The following ASH1L variants were observed in gnomAD, a reference collection of about 807,000 sequenced individuals.
ASH1L encodes histone-lysine N-methyltransferase ASH1L.
ASH1L carries 23 observed loss-of-function variants against 269.0 expected under a neutral mutation model. That is an observed-to-expected ratio of 0.09 (90% CI 0.06 to 0.12). The LOEUF (loss-of-function observed/expected upper bound fraction) is 0.12. Among genes scored for constraint, ASH1L ranks in the 10% least tolerant of loss-of-function variants. The pLI is 1.00. For synonymous variants in ASH1L, 1,187 were observed against 1,253.5 expected (o/e 0.95, Z 1.12); for missense variants, 2,912 against 3,567.8 (o/e 0.82, Z 4.68).
At chr1:155,424,978 G>T (rs916929021) in intron 5 of ASH1L, among the ~76,000 whole-genome samples, 6 of 145,900 alleles carry the variant, frequency 4.1e-5, no homozygotes, top group Admixed American at 1.4e-4. Flanking sequence ...TAGTTTTTGT[G>T]TTTTTTTTTT....
At chr1:155,424,413 T>G (rs1432929755) in intron 5 of ASH1L, among the ~76,000 whole-genome samples, 1 of 150,424 alleles carries the variant, frequency 6.6e-6, no homozygotes. Flanking sequence ...GTATTACAGT[T>G]TTTTTTTTTT....
rs989842954 is a variant in ASH1L at position 155,431,899 on chromosome 1, G to C, written c.5828+6428C>G. On this transcript the variant is annotated intron_variant, in intron 5 of 27. Coordinates refer to ENST00000392403, the MANE Select transcript of ASH1L (RefSeq NM_018489.3). Reference sequence around the variant, plus strand: ...CAAACTGCTGGGATTACAGGTGTGAGCCACCACACCTGGCCTGATTTTATT... The same window carrying C: ...CAAACTGCTGGGATTACAGGTGTGACCCACCACACCTGGCCTGATTTTATT... Among the ~76,000 whole-genome samples, 3 of 152,144 alleles carry C rather than the reference G, an allele frequency of 2.0e-5. No individual in the cohort carries two copies. The South Asian group carries it at 6.2e-4, about 31-fold the overall frequency.
At chr1:155,369,436 G>C (rs1329719630) in intron 12 of ASH1L, among the ~76,000 whole-genome samples, 1 of 149,356 alleles carries the variant, frequency 6.7e-6, no homozygotes, top group African/African-American at 2.5e-5. Context: ...AACAGAGCGA[G>C]ACTCCGTCTC....
At chr1:155,552,447 C>A (rs919896385) in intron 1 of ASH1L, among the ~76,000 whole-genome samples, 1 of 152,024 alleles carries the variant, frequency 6.6e-6, no homozygotes, top group African/African-American at 2.4e-5. Flanking sequence ...GCCTAGCCGA[C>A]AAGAGTGAGA....
At chr1:155,497,748 A>ATTT (rs200209564) in intron 2 of ASH1L, among the ~76,000 whole-genome samples, 1 of 150,176 alleles carries the variant, frequency 6.7e-6, no homozygotes, top group African/African-American at 2.5e-5. Flanking sequence ...AAAGAAGAAA[A>ATTT]TTCTTTTTTT....
intron 2 of ASH1L, chr1:155,520,359 CAAAA>C (rs57127431): frequency 1.3e-3 from 32 of 24,224 alleles, no homozygotes; most frequent in Non-Finnish European, 2.5e-3. Context: ...GACTCCATCT[CAAAA>C]AAAAAAAAAA....
chr1:155,481,545 G>C lies in ASH1L; in HGVS notation c.1325C>G (p.Thr442Arg), dbSNP rs759821978. Residue 442 changes from threonine (T) to arginine (R), a missense_variant, in exon 3 of 28, where the codon ACA becomes AGA. Thr to Arg is a moderately conservative substitution (Grantham distance 71). Around this residue, in one of 13 missense-constraint regions of ASH1L, gnomAD observed 715 missense variants for 721.0 expected, o/e 0.99. Transcript: ENST00000392403. The part of the protein sequence containing the change: ...TQEPLKASCS[T>R]NINNQESQEL... ...CTGACTTTCCTGATTATTGATGTTT[G>C]TACTACAAGAAGCCTTAAGCGGTTC... The C allele has an allele frequency of 6.2e-7, 1 of 1,614,142 alleles. No individual in the cohort carries two copies. The highest frequency in any genetic ancestry group is 8.5e-7 in the Non-Finnish European group (1 of 1,180,002).
intron 2 of ASH1L, among the ~76,000 whole-genome samples, chr1:155,493,161 CTA>C (rs1472838083): frequency 6.6e-6 from 1 of 152,110 alleles, no homozygotes; most frequent in Non-Finnish European, 1.5e-5. Context: ...TTTTTTTTAA[CTA>C]TAGTTACAGA....
In ASH1L at chr1:155,357,249, A is replaced by T; in HGVS notation, c.7055+67T>A. 4.5e-6 allele frequency: 6 copies of T among 1,347,404 alleles called. No individual in the cohort carries two copies. In the Middle Eastern group the frequency reaches 1.1e-3, roughly 247 times the overall value. 83.5% of individuals were successfully genotyped at this position (1,347,404 alleles called of 1,614,324 possible). On this transcript the variant is annotated intron_variant, in intron 15 of 27. Coordinates refer to ENST00000392403, the MANE Select transcript of ASH1L (RefSeq NM_018489.3). ...TGGATCAACAATATAGAAGTTTCAT[A>T]ATTTTTTACACAGATAAGCAATCAT... is the stretch of plus-strand genomic sequence containing the variant.
intron 4 of ASH1L, among the ~76,000 whole-genome samples, chr1:155,443,959 TA>T (rs1393701067): frequency 4.0e-5 from 6 of 149,608 alleles, no homozygotes; most frequent in African/African-American, 1.5e-4. Flanking sequence ...GGTGAATACC[TA>T]AGACTGGAAT....
intron 2 of ASH1L, among the ~76,000 whole-genome samples, chr1:155,490,591 A>G (rs1301133444): frequency 6.7e-6 from 1 of 148,648 alleles, no homozygotes; most frequent in East Asian, 2.0e-4. Context: ...GCACTCCAGT[A>G]TGGGCTACAC....
rs368471748 is a variant in ASH1L, at chr1:155,498,412, G to A, written c.421-15963C>T. On this transcript the variant is annotated intron_variant, in intron 2 of 27. Transcript: ENST00000392403. Reference sequence around the variant, plus strand: ...ACCACCATGCATGGCTAGTTTTTTTGGTTTTTGTTTGTTCATTTTTTTGTT... The same window carrying A: ...ACCACCATGCATGGCTAGTTTTTTTAGTTTTTGTTTGTTCATTTTTTTGTT... Among the ~76,000 whole-genome samples, 16 of 152,018 alleles carry A rather than the reference G, an allele frequency of 1.1e-4. No individual in the cohort carries two copies. The East Asian group carries it at 2.3e-3, about 22-fold the overall frequency.
chr1:155,420,363 CAA>C (rs781669260), intron 5 of ASH1L, among the ~76,000 whole-genome samples: 2 of 45,210 alleles, frequency 4.4e-5, no homozygotes, highest in Non-Finnish European at 9.2e-5. Flanking sequence ...GACTCCATCT[CAA>C]AAAAAAAAAA....
chr1:155,375,712 C>T lies in ASH1L; in HGVS notation c.6332+2569G>A, dbSNP rs1054341274. Among the ~76,000 whole-genome samples, 5 of 152,024 alleles carry T rather than the reference C, an allele frequency of 3.3e-5. No homozygotes were observed. The East Asian group carries it at 5.8e-4, about 18-fold the overall frequency. ...AGGATGAAGGATGAGGCAGGAGAAT[C>T]GCTTGAACCCGGGAGGTGGAGGCTG... On this transcript the variant is annotated intron_variant, in intron 10 of 27. Coordinates refer to ENST00000392403, the MANE Select transcript of ASH1L (RefSeq NM_018489.3).
chr1:155,451,619 C>T (rs945294112), intron 4 of ASH1L, among the ~76,000 whole-genome samples: 1 of 151,720 alleles, frequency 6.6e-6, no homozygotes, highest in Non-Finnish European at 1.5e-5. Context: ...AATTGGCTGG[C>T]GTGGTGGTGG....
Position 155,346,486 on chromosome 1 carries a change from A to C in ASH1L, c.7804-17T>G. ...CTGCCATACCTGTAGAAAAACATAC[A>C]GTTTGGGGAACATGGAGGCTATGAC... On this transcript the variant is annotated splice_polypyrimidine_tract_variant and intron_variant, in intron 20 of 27. Transcript: ENST00000392403. 6.2e-7 allele frequency: 1 copy of C among 1,608,754 alleles called. No homozygotes were observed. Among genetic ancestry groups the C allele is most frequent in the Non-Finnish European group, 8.5e-7 (1 of 1,175,320 alleles).
At chr1:155,504,890 TAAA>T (rs1667720277) in intron 2 of ASH1L, among the ~76,000 whole-genome samples, 1 of 150,000 alleles carries the variant, frequency 6.7e-6, no homozygotes, top group Non-Finnish European at 1.5e-5. Flanking sequence ...ATTACAGCTA[TAAA>T]TGACAGGGCC....
chr1:155,546,933 T>A (rs1376466421), intron 1 of ASH1L, among the ~76,000 whole-genome samples: 1 of 150,782 alleles, frequency 6.6e-6, no homozygotes, highest in Non-Finnish European at 1.5e-5. Flanking sequence ...ACTACAAAGG[T>A]TTCATCACAT....
intron 5 of ASH1L, among the ~76,000 whole-genome samples, chr1:155,420,716 G>T (rs1184170901): frequency 1.3e-5 from 2 of 151,826 alleles, no homozygotes; most frequent in African/African-American, 2.4e-5. Context: ...CAGGCATGGT[G>T]CCAGGCACCT....
Sources: allele counts gnomAD v4.1 joint callset (sites outside exome capture counted in the v4.1 genomes callset), GRCh38; gene constraint gnomAD v4.1.1; regional missense constraint gnomAD v4.1.1; transcripts MANE v1.5; gene names NCBI Gene and HGNC (gene_info 2026-07-23, HGNC 2026-07-21).